Variants in RNF157 observed in about 807,000 individuals in gnomAD.
RNF157 encodes the protein ring finger protein 157, also known as E3 ubiquitin ligase RNF157.
RNF157 carries 55 observed loss-of-function variants against 88.3 expected under a neutral mutation model. The observed-to-expected ratio is 0.62, with a 90% CI of 0.50 to 0.78. RNF157 has a LOEUF of 0.78. Ranked by LOEUF, RNF157 falls within the 30% of genes least tolerant of loss-of-function variation. The probability of loss-of-function intolerance (pLI) is 0.00; values close to 1 mark genes in which losing one functional copy is unlikely to be tolerated. For synonymous variants in RNF157, 334 were observed against 341.2 expected (o/e 0.98, Z 0.23); for missense variants, 788 against 860.8 (o/e 0.92, Z 1.06).
At chr17:76,156,569 C>T (rs925216300) in intron 13 of RNF157, 54 of 977,218 alleles carry the variant, frequency 5.5e-5, no homozygotes, top group Non-Finnish European at 6.3e-5. Flanking sequence ...GCATCTGCTG[C>T]GGCCATACAA....
intron 2 of RNF157, among the ~76,000 whole-genome samples, chr17:76,178,365 C>T (rs1056224620): frequency 1.3e-5 from 2 of 152,250 alleles, no homozygotes; most frequent in Non-Finnish European, 2.9e-5. Flanking sequence ...CAGCTGGCAC[C>T]TATACTGGCA....
intron 1 of RNF157, among the ~76,000 whole-genome samples, chr17:76,218,848 C>T (rs549517767): frequency 4.6e-5 from 7 of 151,988 alleles, no homozygotes; most frequent in Admixed American, 6.6e-5. Flanking sequence ...GCAGAAGAAT[C>T]ACTTGAACCC....
Position 76,161,614 on chromosome 17 carries a change from CT to C in RNF157, c.985del (p.Arg329GlyfsTer38). 1 of 1,614,108 alleles carries C rather than the reference CT, an allele frequency of 6.2e-7. No homozygotes were observed. The highest frequency in any genetic ancestry group is 8.5e-7 in the Non-Finnish European group (1 of 1,180,018). On this transcript the variant is annotated frameshift_variant, in exon 11 of 19. Transcript: ENST00000269391. LOFTEE classifies it high-confidence loss of function. This position sits in a 1 kb window ranked among gnomAD's most constrained non-coding sequence, Gnocchi z 4.6. ...FRALLQIRAMRKKLGPLSPTS... is the reference protein window; with the variant it reads ...FRALLQIRAMXKKLGPLSPTS... The stretch of plus-strand genomic sequence containing the variant: ...TGGGGACAAGGGGCCCAATTTTTTC[CT>C]CATGGCTCGGATCTGAAGCAGTGCC...
intron 2 of RNF157, among the ~76,000 whole-genome samples, chr17:76,209,564 C>T (rs2069741598): frequency 6.6e-6 from 1 of 151,412 alleles, no homozygotes; most frequent in Non-Finnish European, 1.5e-5. Context: ...AATTCTTCTT[C>T]TTCCAATGTG....
At chr17:76,193,518 C>T (rs2069420728) in intron 2 of RNF157, among the ~76,000 whole-genome samples, 1 of 151,732 alleles carries the variant, frequency 6.6e-6, no homozygotes, top group South Asian at 2.1e-4. Flanking sequence ...TGGAATTTAA[C>T]ATCTTGGAAA....
At chr17:76,222,916 A>T (rs182491441) in intron 1 of RNF157, among the ~76,000 whole-genome samples, 75 of 151,500 alleles carry the variant, frequency 5.0e-4, no homozygotes, top group African/African-American at 1.8e-3. Context: ...TTTGAGACAG[A>T]GTCTCGCTCT....
At chr17:76,182,307 G>T (rs1027878918) in intron 2 of RNF157, among the ~76,000 whole-genome samples, 1 of 152,120 alleles carries the variant, frequency 6.6e-6, no homozygotes, top group African/African-American at 2.4e-5. Context: ...TTTGACCCTG[G>T]TGCTCATCAG....
intron 1 of RNF157, among the ~76,000 whole-genome samples, chr17:76,219,587 C>A (rs1046079779): frequency 3.3e-5 from 5 of 152,022 alleles, no homozygotes; most frequent in African/African-American, 1.2e-4. Context: ...ATACGCATTG[C>A]TTTATGTATC....
intron 2 of RNF157, among the ~76,000 whole-genome samples, chr17:76,191,941 T>A (rs2069393914): frequency 6.6e-6 from 1 of 152,212 alleles, no homozygotes; most frequent in Non-Finnish European, 1.5e-5. Flanking sequence ...GACTCGTAAG[T>A]CTTTGACAAT....
chr17:76,144,911 T>C lies in RNF157; in HGVS notation c.*324A>G, dbSNP rs1419320438. 8.2e-6 allele frequency: 2 copies of C among 243,350 alleles called. No homozygotes were observed. Among genetic ancestry groups the C allele is most frequent in the Non-Finnish European group, 1.6e-5 (2 of 126,656 alleles). The allele number at this position is 243,350 out of a possible 1,614,324, so 15.1% of individuals were successfully genotyped here. On this transcript the variant is annotated 3_prime_UTR_variant, in exon 19 of 19. Transcript: ENST00000269391. ...TGCCAAACTCTAAGCCTTCTTGTTC[T>C]ACCCCCTAAGGAGAAAAAAGATGTG...
chr17:76,202,938 C>T (rs2069611285), intron 2 of RNF157: 1 of 152,146 alleles, frequency 6.6e-6, no homozygotes. Flanking sequence ...TGATTCATTA[C>T]CTATACTGTG....
intron 1 of RNF157, among the ~76,000 whole-genome samples, chr17:76,229,144 C>T (rs2070145558): frequency 6.6e-6 from 1 of 152,180 alleles, no homozygotes; most frequent in African/African-American, 2.4e-5. Context: ...TTCTGAGGCT[C>T]TCTTTCCTCA....
chr17:76,237,359 G>A (rs1221097577), intron 1 of RNF157, among the ~76,000 whole-genome samples: 1 of 152,218 alleles, frequency 6.6e-6, no homozygotes, highest in Non-Finnish European at 1.5e-5. Flanking sequence ...CCGCTTTCCA[G>A]CGAGCCAGAT....
At chr17:76,237,105 G>T (rs1317866521) in intron 1 of RNF157, among the ~76,000 whole-genome samples, 1 of 152,148 alleles carries the variant, frequency 6.6e-6, no homozygotes, top group African/African-American at 2.4e-5. Context: ...AAATAATTTA[G>T]GCTATTTATT....
chr17:76,183,813 A>C (rs1358728890), intron 2 of RNF157, among the ~76,000 whole-genome samples: 1 of 151,934 alleles, frequency 6.6e-6, no homozygotes, highest in Non-Finnish European at 1.5e-5. Flanking sequence ...TAATTTTTTT[A>C]CTTAAGTAAA....
chr17:76,183,429 A>G (rs1268885920), intron 2 of RNF157, among the ~76,000 whole-genome samples: 1 of 152,178 alleles, frequency 6.6e-6, no homozygotes, highest in East Asian at 1.9e-4. Context: ...TTAATTATAT[A>G]CCAAAATAAA....
intron 8 of RNF157, chr17:76,164,489 A>C (rs1039274921): frequency 3.9e-5 from 12 of 311,660 alleles, no homozygotes; most frequent in Non-Finnish European, 7.0e-5. Flanking sequence ...AGGCTCCCTC[A>C]ACACCAACAC....
rs371381620 is a variant in RNF157, at chr17:76,161,623, C to G, written c.977G>C (p.Arg326Pro). 1.2e-6 allele frequency: 2 copies of G among 1,614,016 alleles called. No individual in the cohort carries two copies. Among genetic ancestry groups the G allele is most frequent in the Admixed American group, 3.3e-5 (2 of 59,998 alleles). Residue 326 changes from arginine (R) to proline (P), a missense_variant, in exon 11 of 19, where the codon CGA (arginine) becomes CCA (proline). Arg to Pro is a moderately radical substitution (Grantham distance 103, BLOSUM62 -2). Transcript: ENST00000269391. This position sits in a 1 kb window ranked among gnomAD's most constrained non-coding sequence, Gnocchi z 4.6. ...RLPFRALLQI[R>P]AMRKKLGPLS... The stretch of plus-strand genomic sequence containing the variant: ...GGGGCCCAATTTTTTCCTCATGGCT[C>G]GGATCTGAAGCAGTGCCCGGAAGGC...
At chr17:76,167,224 G>C (rs2068941951) in intron 4 of RNF157, 98 bp from the exon 5 acceptor site, 2 of 868,706 alleles carry the variant, frequency 2.3e-6, no homozygotes, top group Non-Finnish European at 1.9e-6. Flanking sequence ...TATCAACAGG[G>C]TCTAGCGAAG....
Sources: allele counts gnomAD v4.1 joint callset (sites outside exome capture counted in the v4.1 genomes callset), GRCh38; gene constraint gnomAD v4.1.1; non-coding constraint Gnocchi (gnomAD v3.1); transcripts MANE v1.5; gene names NCBI Gene and HGNC (gene_info 2026-07-23, HGNC 2026-07-21).